The following CBL variants were observed in gnomAD, a reference collection of about 807,000 sequenced individuals.
CBL encodes Cbl proto-oncogene, also known as E3 ubiquitin-protein ligase CBL.
Under a neutral mutation model 96.9 loss-of-function variants are expected in CBL, and 45 were observed. The observed-to-expected ratio is 0.46, with a 90% CI of 0.37 to 0.60. CBL has a LOEUF of 0.60. CBL is among the 20% of genes least tolerant of loss of function. The pLI is 0.00. For missense variants in CBL, 1,024 were observed against 1,143.5 expected (o/e 0.90, Z 1.51); for synonymous variants, 420 against 426.8 (o/e 0.98, Z 0.20).
intron 2 of CBL, among the ~76,000 whole-genome samples, chr11:119,241,600 GTGTT>G (rs1193212892): frequency 6.6e-6 from 1 of 152,162 alleles, no homozygotes; most frequent in African/African-American, 2.4e-5. Context: ...CGAGACAAAA[GTGTT>G]TGTGCAGCTA....
Position 119,301,493 on chromosome 11 carries a change from A to C in CBL, c.*1712A>C, listed in dbSNP as rs955215944. ...AAATCTAAATCATGCTTTTGTCTTT[A>C]GATCTACACAGAAATGACCCTCCTT... On this transcript the variant is annotated 3_prime_UTR_variant, in exon 16 of 16. Coordinates refer to ENST00000264033, the MANE Select transcript of CBL (RefSeq NM_005188.4). 8.7e-6 allele frequency: 2 copies of C among 230,324 alleles called. No homozygotes were observed. Among genetic ancestry groups the C allele is most frequent in the Non-Finnish European group, 1.7e-5 (2 of 117,236 alleles). The allele number at this position is 230,324 out of a possible 1,614,324, so 14.3% of individuals were successfully genotyped here.
intron 1 of CBL, among the ~76,000 whole-genome samples, chr11:119,224,925 T>G (rs997442144): frequency 6.6e-6 from 1 of 151,884 alleles, no homozygotes; most frequent in Non-Finnish European, 1.5e-5. Context: ...GGTATAACTT[T>G]TATTGAAAAA....
chr11:119,246,010 T>C (rs985697588), intron 2 of CBL, among the ~76,000 whole-genome samples: 2 of 134,444 alleles, frequency 1.5e-5, no homozygotes, highest in Non-Finnish European at 1.5e-5. Flanking sequence ...GAATCTCTCT[T>C]TGTCACCAGG....
At position 119,287,919 on chromosome 11, in the gene CBL, C is replaced by T; in HGVS notation, c.2009C>T (p.Ala670Val). The T allele has an allele frequency of 6.2e-7, 1 of 1,613,002 alleles. No homozygotes were observed. ...CCCAAAATCAAACCTTCCTCATCTG[C>T]CAATGCCATTTATTCTCTGGCTGCC... ...DHPKIKPSSS[A>V]NAIYSLAARP... The change falls in exon 12 of 16, where the codon GCC becomes GTC. Residue 670 changes from alanine to valine, a missense_variant. By Grantham distance (64) the Ala-to-Val change is moderately conservative. This residue lies in a region of CBL where 695 missense variants were observed against 661.6 expected (regional missense o/e 1.05). Transcript: ENST00000264033.
At chr11:119,222,821 AAG>A (rs1949421544) in intron 1 of CBL, among the ~76,000 whole-genome samples, 2 of 152,100 alleles carry the variant, frequency 1.3e-5, no homozygotes, top group Admixed American at 6.6e-5. Flanking sequence ...CATTTTTTAA[AAG>A]AGGTTATACA....
At chr11:119,293,388 G>A (rs759367643) in intron 12 of CBL, among the ~76,000 whole-genome samples, 3 of 152,122 alleles carry the variant, frequency 2.0e-5, no homozygotes, top group African/African-American at 4.8e-5. Flanking sequence ...GATTACAGAC[G>A]TGAGCCATCG....
At chr11:119,292,655 C>T (rs1324833225) in intron 12 of CBL, among the ~76,000 whole-genome samples, 1 of 151,958 alleles carries the variant, frequency 6.6e-6, no homozygotes, top group African/African-American at 2.4e-5. Context: ...ATCTCCTGAC[C>T]GTGATCTGCC....
In CBL at chr11:119,303,780, A is replaced by C. The variant is rs1299490047; in HGVS notation, c.*3999A>C. On this transcript the variant is annotated 3_prime_UTR_variant, in exon 16 of 16. Coordinates refer to ENST00000264033, the MANE Select transcript of CBL (RefSeq NM_005188.4). ...CTCAGAGTTGCACAGTAGGGCATTAAATGTTTAAGCAAAGCATCTGCCCAC... is the reference window on the plus strand; with the variant it reads ...CTCAGAGTTGCACAGTAGGGCATTACATGTTTAAGCAAAGCATCTGCCCAC... 3 of 233,544 alleles carry C rather than the reference A, an allele frequency of 1.3e-5. No homozygotes were observed. The highest frequency in any genetic ancestry group is 6.6e-5 in the African/African-American group (3 of 45,304). The allele number at this position is 233,544 out of a possible 1,614,324, so 14.5% of individuals were successfully genotyped here. A position where few individuals can be genotyped will look rare whatever the true frequency, so the allele number is the denominator to read the frequency against.
intron 11 of CBL, among the ~76,000 whole-genome samples, chr11:119,287,517 C>T (rs1003768851): frequency 6.6e-6 from 1 of 152,180 alleles, no homozygotes; most frequent in Non-Finnish European, 1.5e-5. Flanking sequence ...TTTCTGGCAG[C>T]ATCAGTATAG....
At chr11:119,265,067 TG>T (rs922920196) in intron 2 of CBL, among the ~76,000 whole-genome samples, 3 of 150,528 alleles carry the variant, frequency 2.0e-5, no homozygotes, top group African/African-American at 7.3e-5. Flanking sequence ...TTTGTATAGA[TG>T]GGGGGTCTCA....
chr11:119,283,858 C>T (rs563263364), intron 9 of CBL, among the ~76,000 whole-genome samples: 3 of 151,664 alleles, frequency 2.0e-5, no homozygotes, highest in East Asian at 1.9e-4. Flanking sequence ...AAGATGGTCT[C>T]GATCTCCTGA....
At position 119,300,135 on chromosome 11, in the gene CBL, G is replaced by T; in HGVS notation, c.*354G>T. 1.9e-6 allele frequency: 1 copy of T among 536,384 alleles called. No homozygotes were observed. Among genetic ancestry groups the T allele is most frequent in the Non-Finnish European group, 3.3e-6 (1 of 302,758 alleles). 33.2% of individuals were successfully genotyped at this position (536,384 alleles called of 1,614,324 possible). A position where few individuals can be genotyped will look rare whatever the true frequency, so the allele number is the denominator to read the frequency against. ...AGGACTTAAGACTTCCTGGGTTAAGGATGTGGCCGTGTGTGTGTGTGTCTG... is the reference window on the plus strand; with the variant it reads ...AGGACTTAAGACTTCCTGGGTTAAGTATGTGGCCGTGTGTGTGTGTGTCTG... On this transcript the variant is annotated 3_prime_UTR_variant, in exon 16 of 16. Transcript: ENST00000264033.
In CBL at chr11:119,300,702, A is replaced by G; in HGVS notation, c.*921A>G. Reference sequence around the variant, plus strand: ...AGATAGAGGCCTTTAAATACATTCCATGCCCTCCCCAGAAAATAGTCTGTG... The same window carrying G: ...AGATAGAGGCCTTTAAATACATTCCGTGCCCTCCCCAGAAAATAGTCTGTG... On this transcript the variant is annotated 3_prime_UTR_variant, in exon 16 of 16. Coordinates refer to ENST00000264033, the MANE Select transcript of CBL (RefSeq NM_005188.4). The G allele has an allele frequency of 7.6e-6, 3 of 397,242 alleles. No individual in the cohort carries two copies. Among genetic ancestry groups the G allele is most frequent in the Non-Finnish European group, 1.3e-5 (3 of 225,454 alleles). 24.6% of individuals were successfully genotyped at this position (397,242 alleles called of 1,614,324 possible).
intron 3 of CBL, among the ~76,000 whole-genome samples, chr11:119,273,555 G>A (rs1949864650): frequency 6.6e-6 from 1 of 152,156 alleles, no homozygotes; most frequent in South Asian, 2.1e-4. Context: ...AGAGTAGCTG[G>A]AACTAATTAG....
chr11:119,238,607 A>G (rs925665997), intron 2 of CBL, among the ~76,000 whole-genome samples: 7 of 152,084 alleles, frequency 4.6e-5, no homozygotes, highest in African/African-American at 1.7e-4. Flanking sequence ...AGGTAGGTGG[A>G]TCACCTGAGA....
Position 119,254,836 on chromosome 11 carries a change from A to G in CBL, c.444-16899A>G, listed in dbSNP as rs181803081. On this transcript the variant is annotated intron_variant, in intron 2 of 15. Coordinates refer to ENST00000264033, the MANE Select transcript of CBL (RefSeq NM_005188.4). ...AGGCTGGTCTGAAACTCCTGACCTC[A>G]GGTGATCCTCCCACCTCAGCCTCCC... Among the ~76,000 whole-genome samples, 89 of 152,296 alleles carry G rather than the reference A, an allele frequency of 5.8e-4. 1 individual carries two copies. The East Asian group carries it at 0.013, about 22-fold the overall frequency.
At chr11:119,206,813 C>T (rs1280798472) in intron 1 of CBL, among the ~76,000 whole-genome samples, 4 of 147,948 alleles carry the variant, frequency 2.7e-5, no homozygotes, top group African/African-American at 1.0e-4. Context: ...GAGGGGCTGC[C>T]GTTGGGAGTC....
intron 2 of CBL, among the ~76,000 whole-genome samples, chr11:119,240,603 C>G (rs1384602231): frequency 6.6e-6 from 1 of 152,202 alleles, no homozygotes; most frequent in Non-Finnish European, 1.5e-5. Context: ...GGACCAACCT[C>G]TGGAAGGAGA....
intron 2 of CBL, among the ~76,000 whole-genome samples, chr11:119,243,256 C>T (rs943691904): frequency 3.3e-5 from 5 of 151,992 alleles, no homozygotes; most frequent in Admixed American, 2.0e-4. Context: ...CCAGCCTGGA[C>T]GACAGAGCAA....
Sources: gnomAD v4.1 joint callset for allele counts (sites outside exome capture counted in the v4.1 genomes callset) on GRCh38, gnomAD v4.1.1 for gene constraint, gnomAD v4.1.1 regional missense constraint, MANE v1.5 for transcripts, NCBI Gene and HGNC (gene_info 2026-07-23, HGNC 2026-07-21) for gene names.